The following PLAAT5 variants were observed in gnomAD, a reference collection of about 807,000 sequenced individuals.
PLAAT5 encodes Ca(2+)-independent N-acyltransferase.
A neutral mutation model predicts 27.8 loss-of-function variants in PLAAT5; 27 were observed. The ratio of observed to expected loss-of-function variants is 0.97; its 90% CI spans 0.72 to 1.34. The LOEUF (loss-of-function observed/expected upper bound fraction) is 1.34. Ranked by LOEUF, PLAAT5 falls within the 40% of genes most tolerant of loss-of-function variation. The pLI is 0.00. For synonymous variants in PLAAT5, 125 were observed against 136.1 expected, an observed-to-expected ratio of 0.92 and a Z score of 0.57; for missense variants, 368 against 343.8, an observed-to-expected ratio of 1.07 and a Z score of -0.56.
rs1441277522 is a variant in PLAAT5, at chr11:63,469,641, G to C, written c.346-1176C>G. 4.9e-5 allele frequency: 10 copies of C among 205,726 alleles called. No individual in the cohort carries two copies. The East Asian group carries it at 1.2e-3, about 24-fold the overall frequency. 12.7% of individuals were successfully genotyped at this position (205,726 alleles called of 1,614,324 possible). A position where few individuals can be genotyped will look rare whatever the true frequency, so the allele number is the denominator to read the frequency against. ...AAAGTGCACAAAGGAGGTCATAATG[G>C]ACTTAATTAATGTCATTAATGTCGT... On this transcript the variant is annotated intron_variant, in intron 3 of 5. Transcript: ENST00000540857.
In PLAAT5 at chr11:63,490,947, C is replaced by A. The variant is rs185639289; in HGVS notation, c.88G>T (p.Ala30Ser). Reference sequence around the variant, plus strand: ...GGCTGGTCCTTGGGCCCGGTACTGGCGGTTCGCGAGGCGGGTTTGGGGAGG... The same window carrying A: ...GGCTGGTCCTTGGGCCCGGTACTGGAGGTTCGCGAGGCGGGTTTGGGGAGG... ...PPLPKPASRTASTGPKDQPPA... is the reference protein window; with the variant it reads ...PPLPKPASRTSSTGPKDQPPA... The change falls in exon 1 of 6, where the codon GCC becomes TCC. Residue 30 changes from alanine to serine, a missense_variant. By Grantham distance (99) the Ala-to-Ser change is moderately conservative. Transcript: ENST00000540857. 6.9e-6 allele frequency: 11 copies of A among 1,594,984 alleles called. No homozygotes were observed. The East Asian group carries it at 1.4e-4, about 20-fold the overall frequency.
chr11:63,475,782 T>C (rs2016139211), intron 3 of PLAAT5, among the ~76,000 whole-genome samples: 1 of 152,112 alleles, frequency 6.6e-6, no homozygotes, highest in Non-Finnish European at 1.5e-5. Context: ...TTTAATAGTT[T>C]TCTTTGTGGT....
At chr11:63,469,202 A>G (rs1199672374) in intron 3 of PLAAT5, among the ~76,000 whole-genome samples, 1 of 152,016 alleles carries the variant, frequency 6.6e-6, no homozygotes, top group Non-Finnish European at 1.5e-5. Flanking sequence ...ATAGGTAGGC[A>G]TAGAGTTGTA....
intron 3 of PLAAT5, among the ~76,000 whole-genome samples, chr11:63,474,908 G>T (rs1219953906): frequency 1.3e-5 from 2 of 151,320 alleles, no homozygotes; most frequent in Non-Finnish European, 2.9e-5. Context: ...TTCTTTTTTT[G>T]ACCATGGGTT....
chr11:63,468,494 C>T, intron 3 of PLAAT5, 29 bp from the exon 4 acceptor site: 1 of 1,543,216 alleles, frequency 6.5e-7, no homozygotes, highest in Non-Finnish European at 9.0e-7. Flanking sequence ...AGATAAATGG[C>T]ACATGCTCAA....
intron 3 of PLAAT5, among the ~76,000 whole-genome samples, chr11:63,483,782 A>G (rs1477860888): frequency 3.7e-5 from 3 of 80,514 alleles, no homozygotes; most frequent in South Asian, 3.4e-4. Context: ...AAGCAAAAAA[A>G]AAATATATAT....
intron 3 of PLAAT5, chr11:63,471,038 T>G (rs2016010621): frequency 6.6e-6 from 1 of 152,200 alleles, no homozygotes; most frequent in African/African-American, 2.4e-5. Context: ...AGAATTTATG[T>G]TGCAAAGAAA....
intron 2 of PLAAT5, among the ~76,000 whole-genome samples, 164 bp from the exon 3 acceptor site, chr11:63,489,140 G>T (rs941021596): frequency 1.3e-5 from 2 of 152,170 alleles, no homozygotes; most frequent in African/African-American, 4.8e-5. Context: ...TCATACAAAA[G>T]AATTGCTGTT....
At chr11:63,480,115 G>A (rs932586019) in intron 3 of PLAAT5, among the ~76,000 whole-genome samples, 7 of 152,106 alleles carry the variant, frequency 4.6e-5, no homozygotes, top group Non-Finnish European at 8.8e-5. Context: ...AGGAACATGC[G>A]GTCCGTTCTT....
intron 3 of PLAAT5, among the ~76,000 whole-genome samples, chr11:63,481,979 C>T (rs941961507): frequency 4.6e-5 from 7 of 152,078 alleles, no homozygotes; most frequent in South Asian, 4.1e-4. Context: ...ATAGGTGCAG[C>T]GCACCAACAT....
intron 3 of PLAAT5, among the ~76,000 whole-genome samples, chr11:63,488,502 A>G (rs2016489264): frequency 6.6e-6 from 1 of 152,188 alleles, no homozygotes; most frequent in Admixed American, 6.5e-5. Context: ...CCTCAATAAA[A>G]CTGCTTTAAA....
At chr11:63,483,829 A>ATACACATATATATATGTG (rs1565215374) in intron 3 of PLAAT5, among the ~76,000 whole-genome samples, 2 of 118,350 alleles carry the variant, frequency 1.7e-5, no homozygotes, top group Admixed American at 1.7e-4. Context: ...ATATATATAT[A>ATACACATATATATATGTG]TATATATATA....
Position 63,463,351 on chromosome 11 carries a change from T to A in PLAAT5, c.*152A>T. 1.4e-6 allele frequency: 1 copy of A among 691,886 alleles called. No homozygotes were observed. Among genetic ancestry groups the A allele is most frequent in the South Asian group, 1.6e-5 (1 of 61,372 alleles). The allele number at this position is 691,886 out of a possible 1,614,324, so 42.9% of individuals were successfully genotyped here. ...TGGGTCTATGCTCGTATATATTGGA[T>A]GTATTTCTGGAAGGGTAATTGGATA... is the stretch of plus-strand genomic sequence containing the variant. On this transcript the variant is annotated 3_prime_UTR_variant, in exon 6 of 6. Coordinates refer to ENST00000540857, the MANE Select transcript of PLAAT5 (RefSeq NM_001146729.2).
In PLAAT5 at chr11:63,466,329, A is replaced by C; in HGVS notation, c.498T>G (p.Asn166Lys). 6.2e-7 allele frequency: 1 copy of C among 1,614,122 alleles called. No homozygotes were observed. Among genetic ancestry groups the C allele is most frequent in the African/African-American group, 1.3e-5 (1 of 75,022 alleles). The part of the protein sequence containing the change: ...EVGSITSIFS[N>K]RAVVKYSRLE... The stretch of plus-strand genomic sequence containing the variant: ...GACGACTGTATTTCACCACGGCCCG[A>C]TTGCTAAAGATGGAAGTAATGCTGC... The change falls in exon 5 of 6, where the codon AAT becomes AAG. Residue 166 changes from asparagine (N) to lysine (K), a missense_variant. Coordinates refer to ENST00000540857, the MANE Select transcript of PLAAT5 (RefSeq NM_001146729.2).
At chr11:63,483,817 A>ACACATATATATATATGTG in intron 3 of PLAAT5, among the ~76,000 whole-genome samples, 1 of 104,660 alleles carries the variant, frequency 9.6e-6, no homozygotes, top group African/African-American at 3.7e-5. Flanking sequence ...ATATATATAT[A>ACACATATATATATATGTG]TATATATATA....
At chr11:63,463,621 C>T (rs780229598) in intron 5 of PLAAT5, 26 bp from the exon 6 acceptor site, 1 of 1,578,990 alleles carries the variant, frequency 6.3e-7, no homozygotes. Flanking sequence ...GTTCACAGGA[C>T]AATCAGTACC....
chr11:63,466,085 A>G (rs2015852603), intron 5 of PLAAT5, 25 bp downstream of exon 5: 1 of 1,605,790 alleles, frequency 6.2e-7, no homozygotes, highest in East Asian at 2.2e-5. Context: ...GGAAGAAGCC[A>G]TCATCAGAGC....
chr11:63,483,793 A>ATATATG (rs2016351960), intron 3 of PLAAT5, among the ~76,000 whole-genome samples: 1 of 59,632 alleles, frequency 1.7e-5, no homozygotes, highest in African/African-American at 2.3e-4. Flanking sequence ...AAATATATAT[A>ATATATG]TATATATGTA....
intron 3 of PLAAT5, among the ~76,000 whole-genome samples, chr11:63,483,824 T>TATATATATATATATATATATATAC (rs2016362735): frequency 9.2e-6 from 1 of 109,170 alleles, no homozygotes; most frequent in Non-Finnish European, 1.9e-5. Flanking sequence ...TATATATATA[T>TATATATATATATATATATATATAC]ATATATATAT....
Sources: gnomAD v4.1 joint callset for allele counts (sites outside exome capture counted in the v4.1 genomes callset) on GRCh38, gnomAD v4.1.1 for gene constraint, MANE v1.5 for transcripts, NCBI Gene and HGNC (gene_info 2026-07-23, HGNC 2026-07-21) for gene names.